Variants in KCNG2 observed in about 807,000 individuals in gnomAD.
KCNG2 encodes the protein potassium voltage-gated channel modifier subfamily G member 2.
In KCNG2, 7 loss-of-function variants were observed where a neutral mutation model predicts 12.3. The observed-to-expected ratio is 0.57, with a 90% CI of 0.32 to 1.07. The LOEUF (loss-of-function observed/expected upper bound fraction) is 1.07, where lower values mean the gene tolerates loss of function less well. Among genes scored for constraint, KCNG2 ranks in the 50% least tolerant of loss-of-function variants. The pLI is 0.04. For synonymous variants in KCNG2, 414 were observed against 351.4 expected (o/e 1.18, Z -1.99); for missense variants, 703 against 726.0 (o/e 0.97, Z 0.36).
At chr18:79,898,483 G>A (rs1214185539) in intron 3 of KCNG2, among the ~76,000 whole-genome samples, 2 of 152,212 alleles carry the variant, frequency 1.3e-5, no homozygotes, top group Admixed American at 6.5e-5. Flanking sequence ...CCCCAAGGAC[G>A]TAGCCCCAGG....
chr18:79,854,772 C>T (rs1978953203), intron 1 of KCNG2, among the ~76,000 whole-genome samples: 1 of 152,188 alleles, frequency 6.6e-6, no homozygotes, highest in Admixed American at 6.5e-5. Flanking sequence ...CTTGGCCTCC[C>T]AAAGTACAGG....
intron 1 of KCNG2, among the ~76,000 whole-genome samples, chr18:79,834,185 C>A (rs559199133): frequency 2.0e-5 from 3 of 152,336 alleles, no homozygotes; most frequent in East Asian, 1.9e-4. Flanking sequence ...GCGGCTTGGA[C>A]CAAAGATCAG....
chr18:79,802,916 C>T (rs2087422368), intron 1 of KCNG2, among the ~76,000 whole-genome samples: 1 of 152,190 alleles, frequency 6.6e-6, no homozygotes, highest in Non-Finnish European at 1.5e-5. Flanking sequence ...CGGTGGCTCA[C>T]GCCTGTAATC....
At chr18:79,815,198 G>A (rs1351302880) in intron 1 of KCNG2, among the ~76,000 whole-genome samples, 1 of 152,130 alleles carries the variant, frequency 6.6e-6, no homozygotes, top group Non-Finnish European at 1.5e-5. Flanking sequence ...TAACAATTTG[G>A]TAGGCAGAGG....
intron 3 of KCNG2, among the ~76,000 whole-genome samples, chr18:79,874,334 A>C (rs1200029943): frequency 6.6e-6 from 1 of 152,242 alleles, no homozygotes; most frequent in Non-Finnish European, 1.5e-5. Context: ...TCAGCAAGAG[A>C]GGTTCTGTGT....
In KCNG2 at chr18:79,818,044, C is replaced by G. The variant is rs947703682; in HGVS notation, c.-115+20030C>G. On this transcript the variant is annotated intron_variant, in intron 1 of 3. Coordinates refer to ENST00000316249, the MANE Select transcript of KCNG2 (RefSeq NM_012283.2). ...GCCAGGTGGGCAGGAGCCTGCCCCT[C>G]GCCCCAGGACAGACGGCCAAGGCCC... Among the ~76,000 whole-genome samples the G allele has an allele frequency of 8.5e-5, 13 of 152,356 alleles. 1 individual carries two copies. The highest frequency in any genetic ancestry group is 6.8e-3 in the Middle Eastern group (2 of 294).
chr18:79,798,588 G>A (rs1294275798), intron 1 of KCNG2, among the ~76,000 whole-genome samples: 1 of 152,196 alleles, frequency 6.6e-6, no homozygotes, highest in Non-Finnish European at 1.5e-5. Flanking sequence ...ACACACGGCC[G>A]CACCCCTACT....
intron 2 of KCNG2, 34 bp from the exon 3 acceptor site, chr18:79,863,594 C>T: frequency 1.7e-6 from 2 of 1,164,200 alleles, no homozygotes; most frequent in Non-Finnish European, 2.1e-6. Context: ...CAGCTCAGCC[C>T]TCGCGACCCT....
chr18:79,862,992 T>C (rs149914428), intron 2 of KCNG2, among the ~76,000 whole-genome samples: 33 of 152,326 alleles, frequency 2.2e-4, no homozygotes, highest in African/African-American at 7.0e-4. Context: ...CAGCTGTTCT[T>C]TCTTAGTGCC....
At chr18:79,881,252 A>G in intron 3 of KCNG2, among the ~76,000 whole-genome samples, 1 of 152,224 alleles carries the variant, frequency 6.6e-6, no homozygotes, top group South Asian at 2.1e-4. Context: ...AGAGAATAGG[A>G]CTGCCTATGT....
At chr18:79,869,199 C>T (rs1306141487) in intron 3 of KCNG2, among the ~76,000 whole-genome samples, 2 of 152,198 alleles carry the variant, frequency 1.3e-5, no homozygotes, top group Admixed American at 6.5e-5. Context: ...GTGCTGGTTG[C>T]TTTCAGTGCC....
At chr18:79,896,224 C>G (rs1980969862) in intron 3 of KCNG2, among the ~76,000 whole-genome samples, 1 of 152,204 alleles carries the variant, frequency 6.6e-6, no homozygotes, top group African/African-American at 2.4e-5. Context: ...CCTTGGCCTC[C>G]CAAAGTGCTG....
At chr18:79,832,521 A>G (rs1352358336) in intron 1 of KCNG2, among the ~76,000 whole-genome samples, 1 of 151,640 alleles carries the variant, frequency 6.6e-6, no homozygotes, top group Non-Finnish European at 1.5e-5. Context: ...CTTCCTTTTC[A>G]ACCTTCTCTT....
At chr18:79,868,671 T>G (rs1979708250) in intron 3 of KCNG2, among the ~76,000 whole-genome samples, 2 of 152,174 alleles carry the variant, frequency 1.3e-5, no homozygotes, top group African/African-American at 4.8e-5. Context: ...GTCCACTTGA[T>G]TGATGGGATG....
chr18:79,882,983 G>A (rs1016808315), intron 3 of KCNG2, among the ~76,000 whole-genome samples: 1 of 152,288 alleles, frequency 6.6e-6, no homozygotes, highest in Admixed American at 6.5e-5. Flanking sequence ...GGGAAGGACA[G>A]CGTGTGTCAC....
chr18:79,852,746 C>T (rs1978869290), intron 1 of KCNG2, among the ~76,000 whole-genome samples: 1 of 152,278 alleles, frequency 6.6e-6, no homozygotes, highest in Non-Finnish European at 1.5e-5. Flanking sequence ...CTCCAGCTTC[C>T]CGGCCAATCA....
chr18:79,845,355 C>T (rs112992926), intron 1 of KCNG2, among the ~76,000 whole-genome samples: 18 of 152,250 alleles, frequency 1.2e-4, no homozygotes, highest in African/African-American at 3.9e-4. Context: ...GTGTCCATGT[C>T]GGCGTCCCGG....
At position 79,884,142 on chromosome 18, in the gene KCNG2, T is replaced by C. The variant is rs1238833129; in HGVS notation, c.625-14898T>C. On this transcript the variant is annotated intron_variant, in intron 3 of 3. Transcript: ENST00000316249. This position sits in a 1 kb window ranked among gnomAD's most constrained non-coding sequence, Gnocchi z 5.5. ...AATTTCCGTGGCACAGGCCGACCTCTCTCTGCCAGCACGAAGCCAGAGCTC... is the reference window on the plus strand; with the variant it reads ...AATTTCCGTGGCACAGGCCGACCTCCCTCTGCCAGCACGAAGCCAGAGCTC... 2.0e-5 allele frequency among the ~76,000 whole-genome samples: 3 copies of C among 151,962 alleles called. No homozygotes were observed. Among genetic ancestry groups the C allele is most frequent in the Non-Finnish European group, 4.4e-5 (3 of 67,972 alleles).
At chr18:79,821,809 C>G (rs997955519) in intron 1 of KCNG2, among the ~76,000 whole-genome samples, 1 of 152,244 alleles carries the variant, frequency 6.6e-6, no homozygotes. Flanking sequence ...CAGGCCAGGC[C>G]ATGCATCTTG....
Sources: allele counts gnomAD v4.1 joint callset (sites outside exome capture counted in the v4.1 genomes callset), GRCh38; gene constraint gnomAD v4.1.1; non-coding constraint Gnocchi (gnomAD v3.1); transcripts MANE v1.5; gene names NCBI Gene and HGNC (gene_info 2026-07-23, HGNC 2026-07-21).